Variants in KANK1 observed in about 807,000 individuals in gnomAD.
The protein encoded by KANK1 is KN motif and ankyrin repeat domains 1.
KANK1 carries 109 observed loss-of-function variants against 106.2 expected under a neutral mutation model. The ratio of observed to expected loss-of-function variants is 1.03; its 90% CI spans 0.88 to 1.20. KANK1 has a LOEUF of 1.20. KANK1 is among the 50% of genes most tolerant of loss of function. KANK1 has a pLI of 0.00. For missense variants in KANK1, 2,399 were observed against 1,710.7 expected, an observed-to-expected ratio of 1.40 and a Z score of -7.10; for synonymous variants, 873 against 652.2, an observed-to-expected ratio of 1.34 and a Z score of -5.16.
intron 1 of KANK1, among the ~76,000 whole-genome samples, chr9:671,611 G>A (rs1292935986): frequency 2.6e-4 from 8 of 31,070 alleles, no homozygotes; most frequent in African/African-American, 8.6e-4. Flanking sequence ...GCGAAACTCC[G>A]TCTCAAAAAA....
chr9:588,706 C>T (rs1003288858), intron 1 of KANK1, among the ~76,000 whole-genome samples: 3 of 152,148 alleles, frequency 2.0e-5, no homozygotes, highest in African/African-American at 7.2e-5. Context: ...ATCTAGCACC[C>T]ACTTTGCCAC....
At chr9:505,020 A>T (rs2058680114) in intron 1 of KANK1, among the ~76,000 whole-genome samples, 1 of 151,284 alleles carries the variant, frequency 6.6e-6, no homozygotes, top group African/African-American at 2.4e-5. Flanking sequence ...CGCGCTCTGC[A>T]GCGGCGGCGC....
chr9:666,438 A>T (rs911752254), intron 1 of KANK1, among the ~76,000 whole-genome samples: 1 of 150,920 alleles, frequency 6.6e-6, no homozygotes, highest in Non-Finnish European at 1.5e-5. Flanking sequence ...GAACACCTTT[A>T]TTTTTTTTTC....
intron 1 of KANK1, among the ~76,000 whole-genome samples, chr9:571,983 A>T (rs898035918): frequency 6.6e-6 from 1 of 152,104 alleles, no homozygotes; most frequent in Admixed American, 6.6e-5. Context: ...ACAACTCGGA[A>T]CTTTGTGGTT....
intron 3 of KANK1, among the ~76,000 whole-genome samples, chr9:482,159 G>T (rs1027825791): frequency 2.6e-5 from 4 of 152,074 alleles, no homozygotes; most frequent in African/African-American, 9.7e-5. Flanking sequence ...TATTCGCCTG[G>T]TACATATCCC....
At chr9:611,955 T>C (rs1007008396) in intron 1 of KANK1, among the ~76,000 whole-genome samples, 1 of 152,220 alleles carries the variant, frequency 6.6e-6, no homozygotes, top group Non-Finnish European at 1.5e-5. Flanking sequence ...CCTGACCTTG[T>C]GATCCGCCAG....
chr9:613,668 A>G (rs996559904), intron 1 of KANK1, among the ~76,000 whole-genome samples: 20 of 152,156 alleles, frequency 1.3e-4, no homozygotes, highest in African/African-American at 4.8e-4. Context: ...ACTCTCTATT[A>G]CTAACTTTTT....
chr9:635,174 C>G (rs1042217642), intron 1 of KANK1, among the ~76,000 whole-genome samples: 1 of 152,104 alleles, frequency 6.6e-6, no homozygotes, highest in Non-Finnish European at 1.5e-5. Context: ...CTTTGTATGT[C>G]CCTCTTCCAT....
chr9:535,405 C>T (rs1459413886), intron 1 of KANK1, among the ~76,000 whole-genome samples: 1 of 152,196 alleles, frequency 6.6e-6, no homozygotes, highest in Non-Finnish European at 1.5e-5. Context: ...GCCCACACTT[C>T]TTTCTCTCCA....
At chr9:536,224 C>G (rs2060292954) in intron 1 of KANK1, among the ~76,000 whole-genome samples, 1 of 152,016 alleles carries the variant, frequency 6.6e-6, no homozygotes, top group Non-Finnish European at 1.5e-5. Flanking sequence ...ACCTGTAATC[C>G]CAGCTACTCG....
At chr9:550,591 A>AGG (rs373822733) in intron 1 of KANK1, among the ~76,000 whole-genome samples, 9 of 152,314 alleles carry the variant, frequency 5.9e-5, no homozygotes, top group African/African-American at 2.2e-4. Context: ...TCAGCAACAG[A>AGG]GGGAGACCCT....
chr9:532,962 G>A (rs558624313), intron 1 of KANK1, among the ~76,000 whole-genome samples: 4 of 152,128 alleles, frequency 2.6e-5, no homozygotes, highest in South Asian at 2.1e-4. Flanking sequence ...GTGTTTTGCC[G>A]ACGATAATGG....
At chr9:660,056 C>A in intron 1 of KANK1, 1 of 401,064 alleles carries the variant, frequency 2.5e-6, no homozygotes, top group Admixed American at 2.6e-5. Context: ...ACCTGTCCTG[C>A]TGGCACTGAG....
At chr9:598,615 G>GTTTTTTTTTTTTTTTT (rs1306483082) in intron 1 of KANK1, among the ~76,000 whole-genome samples, 1 of 73,332 alleles carries the variant, frequency 1.4e-5, no homozygotes, top group East Asian at 4.3e-4. Context: ...TGTTTTGTTG[G>GTTTTTTTTTTTTTTTT]TTTTCTTTTT....
rs141422149 is a variant in KANK1 at position 731,265 on chromosome 9, G to C, written c.3004G>C (p.Gly1002Arg). The change falls in exon 5 of 12, where the codon GGG becomes CGG. Residue 1002 changes from glycine to arginine, a missense_variant and splice_region_variant. Transcript: ENST00000382297. ...TCTTCAGTTTGTTGGCATTAATGGAGGGTAAGGAAAGATGGTGGTTCTAGA... is the reference window on the plus strand; with the variant it reads ...TCTTCAGTTTGTTGGCATTAATGGACGGTAAGGAAAGATGGTGGTTCTAGA... ...KNLQFVGING[G>R]YETTSSDDSS... The C allele has an allele frequency of 7.6e-6, 12 of 1,573,240 alleles. No individual in the cohort carries two copies. In the African/African-American group the frequency reaches 8.1e-5, roughly 11 times the overall value.
chr9:639,856 A>G (rs1478397751), intron 1 of KANK1, among the ~76,000 whole-genome samples: 1 of 152,156 alleles, frequency 6.6e-6, no homozygotes, highest in Non-Finnish European at 1.5e-5. Flanking sequence ...AGTGCCTTCT[A>G]TGTCCTTACA....
At chr9:579,538 C>G (rs1344737544) in intron 1 of KANK1, among the ~76,000 whole-genome samples, 3 of 152,188 alleles carry the variant, frequency 2.0e-5, no homozygotes, top group African/African-American at 7.2e-5. Flanking sequence ...CCAGCTCCAT[C>G]TGGAGCCCGC....
chr9:653,531 T>G (rs1841391875), intron 1 of KANK1, among the ~76,000 whole-genome samples: 2 of 152,152 alleles, frequency 1.3e-5, no homozygotes, highest in African/African-American at 4.8e-5. Context: ...TCTGGCCTCT[T>G]TTGGATATTT....
intron 1 of KANK1, among the ~76,000 whole-genome samples, chr9:533,529 T>G (rs1251030583): frequency 6.6e-6 from 1 of 152,228 alleles, no homozygotes; most frequent in Non-Finnish European, 1.5e-5. Context: ...TATTTTACCC[T>G]CCTCCAAAAC....
Sources: gnomAD v4.1 joint callset for allele counts (sites outside exome capture counted in the v4.1 genomes callset) on GRCh38, gnomAD v4.1.1 for gene constraint, MANE v1.5 for transcripts, NCBI Gene and HGNC (gene_info 2026-07-23, HGNC 2026-07-21) for gene names.